PCDHA9: variants seen among roughly 807,000 people sequenced by gnomAD.
PCDHA9 encodes the protein protocadherin alpha-9.
In PCDHA9, 62 loss-of-function variants were observed where a neutral mutation model predicts 62.0. The ratio of observed to expected loss-of-function variants is 1.00; its 90% confidence interval spans 0.81 to 1.23. The LOEUF (loss-of-function observed/expected upper bound fraction) is 1.23, where lower values mean the gene tolerates loss of function less well. Ranked by LOEUF, PCDHA9 falls within the 50% of genes most tolerant of loss-of-function variation. The pLI is 0.00. For synonymous variants in PCDHA9, 557 were observed against 567.6 expected (o/e 0.98, Z 0.27); for missense variants, 1,205 against 1,249.8 (o/e 0.96, Z 0.54).
intron 1 of PCDHA9, among the ~76,000 whole-genome samples, chr5:140,940,470 AT>A (rs201096499): frequency 2.7e-5 from 4 of 149,646 alleles, no homozygotes; most frequent in South Asian, 2.1e-4. Flanking sequence ...GTTCCCTGCA[AT>A]TTTTTTTTTC....
At chr5:140,896,148 G>A (rs1185038418) in intron 1 of PCDHA9, among the ~76,000 whole-genome samples, 1 of 152,162 alleles carries the variant, frequency 6.6e-6, no homozygotes, top group Non-Finnish European at 1.5e-5. Flanking sequence ...CACCATTGAT[G>A]GGCATTTAGG....
At chr5:140,876,323 T>C (rs1554168484) in intron 1 of PCDHA9, 1 of 1,614,000 alleles carries the variant, frequency 6.2e-7, no homozygotes, top group Middle Eastern at 1.6e-4. Context: ...ATCAAAATGA[T>C]TTTGCCAGTG....
At chr5:140,868,091 GATA>G (rs1310708872) in intron 1 of PCDHA9, 1 of 151,974 alleles carries the variant, frequency 6.6e-6, no homozygotes, top group Non-Finnish European at 1.5e-5. Context: ...TTTATAAAAT[GATA>G]ATAAAATTTA....
rs782037799 is a variant in PCDHA9 at position 140,877,180 on chromosome 5, G to A, written c.2394+26291G>A. ...CGCGCCGGCACTGCTGGCGACTCCG[G>A]CTGGCAGCGCAGGAGGCGCAGTTAG... On this transcript the variant is annotated intron_variant, in intron 1 of 3. Transcript: ENST00000532602. The A allele has an allele frequency of 1.1e-5, 18 of 1,613,692 alleles. No individual in the cohort carries two copies. In the South Asian group the frequency reaches 1.5e-4, roughly 14 times the overall value.
At chr5:140,893,088 T>C (rs1340937679) in intron 1 of PCDHA9, among the ~76,000 whole-genome samples, 2 of 152,372 alleles carry the variant, frequency 1.3e-5, no homozygotes, top group African/African-American at 4.8e-5. Flanking sequence ...CATTCTTTTT[T>C]ATGGCTGGAT....
intron 1 of PCDHA9, chr5:140,855,937 A>G: frequency 7.7e-7 from 1 of 1,306,456 alleles, no homozygotes; most frequent in Non-Finnish European, 1.1e-6. Flanking sequence ...TCATTCTGAG[A>G]TCTCAGCCAT....
chr5:140,928,555 A>G, intron 1 of PCDHA9: 1 of 1,614,240 alleles, frequency 6.2e-7, no homozygotes, highest in Non-Finnish European at 8.5e-7. Flanking sequence ...TTATCCGGTT[A>G]TCTTGTTTCC....
chr5:140,927,894 C>T (rs372774238), intron 1 of PCDHA9: 2 of 1,614,208 alleles, frequency 1.2e-6, no homozygotes, highest in South Asian at 2.2e-5. Context: ...CTGACGTGAA[C>T]GATCATGCCC....
intron 1 of PCDHA9, chr5:140,869,208 C>T (rs782200592): frequency 2.5e-6 from 4 of 1,613,990 alleles, no homozygotes; most frequent in Middle Eastern, 1.7e-4. Context: ...ACTACTCCGT[C>T]TCGGAGGAGG....
chr5:140,856,170 G>T, intron 1 of PCDHA9: 1 of 1,598,322 alleles, frequency 6.3e-7, no homozygotes, highest in Non-Finnish European at 8.6e-7. Context: ...GCCAGACACG[G>T]CACCTTCGTG....
intron 1 of PCDHA9, chr5:140,928,268 G>A: frequency 6.2e-7 from 1 of 1,614,164 alleles, no homozygotes; most frequent in Non-Finnish European, 8.5e-7. Context: ...GAAAACAATG[G>A]CCCTGGGGCC....
At chr5:140,956,363 A>G (rs938643620) in intron 1 of PCDHA9, among the ~76,000 whole-genome samples, 2 of 152,026 alleles carry the variant, frequency 1.3e-5, no homozygotes, top group African/African-American at 4.8e-5. Context: ...ACATGAAGGG[A>G]TGTTGAATTT....
Position 140,909,713 on chromosome 5 carries a change from C to G in PCDHA9, c.2394+58824C>G, listed in dbSNP as rs6870083. 8.9e-3 allele frequency among the ~76,000 whole-genome samples: 1,356 copies of G among 152,266 alleles called. 15 individuals carry two copies. The highest frequency in any genetic ancestry group is 0.032 in the African/African-American group (1,312 of 41,548). ...GGGTTCTGCTAGCTGCTAAGTATAC[C>G]TATGCCAATTATGCATTCTGGCACT... is the stretch of plus-strand genomic sequence containing the variant. On this transcript the variant is annotated intron_variant, in intron 1 of 3. Transcript: ENST00000532602.
At chr5:140,909,082 G>T (rs1190064294) in intron 1 of PCDHA9, among the ~76,000 whole-genome samples, 2 of 152,184 alleles carry the variant, frequency 1.3e-5, no homozygotes, top group Non-Finnish European at 2.9e-5. Context: ...CAGTGTGTTT[G>T]CTACTTCTCA....
chr5:140,850,730 G>A lies in PCDHA9; in HGVS notation c.2235G>A (p.Val745=), dbSNP rs1439103901. The A allele has an allele frequency of 7.5e-6, 12 of 1,597,860 alleles. 2 individuals carry two copies. Among genetic ancestry groups the A allele is most frequent in the African/African-American group, 4.0e-5 (3 of 74,192 alleles). The change falls in exon 1 of 4, where the codon GTG becomes GTA. Residue 745 remains valine, a synonymous_variant. Transcript: ENST00000532602. The stretch of plus-strand genomic sequence containing the variant: ...CGACGCTGGTGTGTTCTAGCGCGGT[G>A]GGGAGTTGGTCGTACTCGCAGCAGA... ...GKPTLVCSSA[V]GSWSYSQQRR... is the part of the protein sequence containing the mutation.
intron 1 of PCDHA9, chr5:140,852,892 T>C: frequency 1.1e-6 from 1 of 911,000 alleles, no homozygotes; most frequent in Non-Finnish European, 1.3e-6. Context: ...CGTATTTTTT[T>C]TTTTGAGTCA....
intron 1 of PCDHA9, among the ~76,000 whole-genome samples, chr5:140,937,621 GAAAA>G (rs1276369305): frequency 1.4e-5 from 2 of 142,038 alleles, no homozygotes; most frequent in Non-Finnish European, 3.1e-5. Context: ...CATCTAAAAA[GAAAA>G]AGAAAGGCAG....
chr5:140,985,739 CTTTTTTTTT>C (rs11372071), intron 3 of PCDHA9, among the ~76,000 whole-genome samples: 4 of 117,922 alleles, frequency 3.4e-5, no homozygotes, highest in African/African-American at 3.2e-5. Flanking sequence ...TGATGAATTC[CTTTTTTTTT>C]TTTTTTTTTT....
intron 1 of PCDHA9, chr5:140,863,197 C>A: frequency 1.1e-6 from 1 of 888,970 alleles, no homozygotes; most frequent in Non-Finnish European, 1.8e-6. Flanking sequence ...GGTGGCGTCG[C>A]TGGCGGAGAG....
Sources: allele counts gnomAD v4.1 joint callset (sites outside exome capture counted in the v4.1 genomes callset), GRCh38; gene constraint gnomAD v4.1.1; transcripts MANE v1.5; gene names NCBI Gene and HGNC (gene_info 2026-07-23, HGNC 2026-07-21).